The following SHISA6 variants were observed in gnomAD, a reference collection of about 807,000 sequenced individuals.
SHISA6 encodes shisa family member 6, also known as protein shisa-6.
In SHISA6, 22 loss-of-function variants were observed where a neutral mutation model predicts 47.9. That is an observed-to-expected ratio of 0.46 (90% CI 0.33 to 0.66). The LOEUF (loss-of-function observed/expected upper bound fraction) is 0.66, where lower values mean the gene tolerates loss of function less well. SHISA6 is among the 30% of genes least tolerant of loss of function. SHISA6 has a pLI of 0.02. For missense variants in SHISA6, 680 were observed against 764.6 expected, an observed-to-expected ratio of 0.89 and a Z score of 1.30; for synonymous variants, 388 against 337.8, an observed-to-expected ratio of 1.15 and a Z score of -1.63.
At chr17:11,433,225 T>TCCC (rs59290223) in intron 3 of SHISA6, among the ~76,000 whole-genome samples, 3 of 151,872 alleles carry the variant, frequency 2.0e-5, no homozygotes, top group Non-Finnish European at 4.4e-5. Context: ...ATGCTATCCC[T>TCCC]CCCCCTAGCC....
intron 3 of SHISA6, among the ~76,000 whole-genome samples, chr17:11,549,269 G>T (rs2071909836): frequency 6.6e-6 from 1 of 152,122 alleles, no homozygotes; most frequent in South Asian, 2.1e-4. Context: ...GTTATTTTAG[G>T]GTTATTCTCA....
At chr17:11,505,897 C>T (rs2071494764) in intron 3 of SHISA6, among the ~76,000 whole-genome samples, 1 of 152,098 alleles carries the variant, frequency 6.6e-6, no homozygotes, top group African/African-American at 2.4e-5. Flanking sequence ...ATACTGTATA[C>T]CACAAGGCAG....
intron 2 of SHISA6, among the ~76,000 whole-genome samples, chr17:11,293,498 G>C (rs1425808384): frequency 1.3e-5 from 2 of 152,178 alleles, no homozygotes; most frequent in African/African-American, 2.4e-5. Flanking sequence ...ATTTCCCTGA[G>C]AGCATGGATC....
In SHISA6 at chr17:11,311,926, C is replaced by A. The variant is rs1035070994; in HGVS notation, c.799+48400C>A. Among the ~76,000 whole-genome samples the A allele has an allele frequency of 3.9e-5, 6 of 152,042 alleles. 1 individual carries two copies. The highest frequency in any genetic ancestry group is 7.4e-5 in the Non-Finnish European group (5 of 68,022). On this transcript the variant is annotated intron_variant, in intron 2 of 5. Transcript: ENST00000441885. ...GAGTAGCTGGGATTACAGGTATGTG[C>A]CACCACGCCTGGCTAATTTTTGTAT...
chr17:11,386,465 C>T (rs1342045227), intron 3 of SHISA6, among the ~76,000 whole-genome samples: 1 of 152,108 alleles, frequency 6.6e-6, no homozygotes, highest in African/African-American at 2.4e-5. Flanking sequence ...ACTGACAACT[C>T]TTTAGAGTTT....
At position 11,498,145 on chromosome 17, in the gene SHISA6, C is replaced by T. The variant is rs563007865; in HGVS notation, c.896-53751C>T. 3.9e-5 allele frequency among the ~76,000 whole-genome samples: 6 copies of T among 152,306 alleles called. No homozygotes were observed. The South Asian group carries it at 1.2e-3, about 32-fold the overall frequency. On this transcript the variant is annotated intron_variant, in intron 3 of 5. Transcript: ENST00000441885. ...CAATAGAATCCACAGGTGGGAGATA[C>T]TGGGGAAGCAGAGGCTCTCAGGATA...
chr17:11,475,363 C>A (rs1051085727), intron 3 of SHISA6, among the ~76,000 whole-genome samples: 1 of 152,062 alleles, frequency 6.6e-6, no homozygotes, highest in African/African-American at 2.4e-5. Flanking sequence ...TGTGTCTGAT[C>A]TTACTGGGAA....
At chr17:11,379,388 G>A in intron 2 of SHISA6, 26 bp from the exon 3 acceptor site, 1 of 1,503,504 alleles carries the variant, frequency 6.7e-7, no homozygotes, top group Non-Finnish European at 9.0e-7. Context: ...GGATGCGCCA[G>A]GTAATTCTGC....
At chr17:11,389,812 G>A (rs1416549089) in intron 3 of SHISA6, among the ~76,000 whole-genome samples, 1 of 152,186 alleles carries the variant, frequency 6.6e-6, no homozygotes, top group Admixed American at 6.5e-5. Flanking sequence ...CTTCTTATGT[G>A]CCAGCCCTTG....
chr17:11,400,489 G>A (rs1913731091), intron 3 of SHISA6, among the ~76,000 whole-genome samples: 2 of 151,872 alleles, frequency 1.3e-5, no homozygotes, highest in African/African-American at 4.8e-5. Flanking sequence ...TGACTTTTTT[G>A]TATCTGTCCA....
chr17:11,381,985 A>C (rs550653991), intron 3 of SHISA6, among the ~76,000 whole-genome samples: 1 of 152,258 alleles, frequency 6.6e-6, no homozygotes, highest in South Asian at 2.1e-4. Flanking sequence ...AGAACAGCTA[A>C]AGTTTCAAGA....
At chr17:11,479,409 A>T (rs1257699926) in intron 3 of SHISA6, among the ~76,000 whole-genome samples, 1 of 152,256 alleles carries the variant, frequency 6.6e-6, no homozygotes, top group South Asian at 2.1e-4. Context: ...GAGTTGAACA[A>T]TGAGAACACA....
intron 1 of SHISA6, among the ~76,000 whole-genome samples, chr17:11,262,148 T>G (rs1225434268): frequency 2.6e-5 from 4 of 152,226 alleles, no homozygotes; most frequent in Non-Finnish European, 5.9e-5. Flanking sequence ...GGCGATCCAG[T>G]CAGTTGTCCC....
At chr17:11,388,797 T>G (rs1913280423) in intron 3 of SHISA6, among the ~76,000 whole-genome samples, 1 of 26,946 alleles carries the variant, frequency 3.7e-5, no homozygotes, top group South Asian at 1.0e-3. Context: ...AGTTTATATA[T>G]ATATATATAT....
chr17:11,526,919 ATATATATATATATATAT>A, intron 3 of SHISA6, among the ~76,000 whole-genome samples: 1 of 23,730 alleles, frequency 4.2e-5, no homozygotes, highest in African/African-American at 2.0e-4. Context: ...ATATATATAT[ATATATATATATATATAT>A]TATAATGATC....
At chr17:11,455,991 T>C (rs564355819) in intron 3 of SHISA6, among the ~76,000 whole-genome samples, 1 of 142,096 alleles carries the variant, frequency 7.0e-6, no homozygotes, top group African/African-American at 2.7e-5. Flanking sequence ...AAGTCCATAT[T>C]GTCTTAACAG....
chr17:11,499,298 T>G (rs963861618), intron 3 of SHISA6, among the ~76,000 whole-genome samples: 1 of 152,158 alleles, frequency 6.6e-6, no homozygotes, highest in African/African-American at 2.4e-5. Context: ...CATGCAAGGC[T>G]AGCATTGAGC....
At chr17:11,395,474 G>C (rs1417268888) in intron 3 of SHISA6, among the ~76,000 whole-genome samples, 3 of 150,066 alleles carry the variant, frequency 2.0e-5, no homozygotes, top group Admixed American at 1.3e-4. Flanking sequence ...TGGCATCCTA[G>C]GTATGCTATC....
At chr17:11,412,662 C>T (rs2142274041) in intron 3 of SHISA6, among the ~76,000 whole-genome samples, 1 of 152,184 alleles carries the variant, frequency 6.6e-6, no homozygotes, top group East Asian at 1.9e-4. Context: ...CTGCCTCAGC[C>T]TCCCAAGTAG....
Sources: gnomAD v4.1 joint callset for allele counts (sites outside exome capture counted in the v4.1 genomes callset) on GRCh38, gnomAD v4.1.1 for gene constraint, MANE v1.5 for transcripts, NCBI Gene and HGNC (gene_info 2026-07-23, HGNC 2026-07-21) for gene names.